The following KIF16B variants were observed in gnomAD, a reference collection of about 807,000 sequenced individuals.
KIF16B encodes kinesin-like protein KIF16B.
In KIF16B, 98 loss-of-function variants were observed where a neutral mutation model predicts 156.3. That is an observed-to-expected ratio of 0.63 (90% CI 0.53 to 0.74). KIF16B has a LOEUF of 0.74. KIF16B is among the 30% of genes least tolerant of loss of function. The pLI is 0.00. For synonymous variants in KIF16B, 564 were observed against 583.7 expected (o/e 0.97, Z 0.49); for missense variants, 1,421 against 1,606.5 (o/e 0.88, Z 1.97).
At chr20:16,305,046 G>A (rs1015047298) in intron 25 of KIF16B, among the ~76,000 whole-genome samples, 3 of 152,024 alleles carry the variant, frequency 2.0e-5, no homozygotes, top group African/African-American at 7.2e-5. Flanking sequence ...TTGAACTACC[G>A]AGACTTTATT....
chr20:16,568,596 T>G (rs1162155795), intron 1 of KIF16B, among the ~76,000 whole-genome samples: 1 of 151,970 alleles, frequency 6.6e-6, no homozygotes, highest in East Asian at 1.9e-4. Flanking sequence ...GGAGGATCAC[T>G]TGAGCCCAGG....
chr20:16,291,729 T>C (rs1356233058), intron 25 of KIF16B, among the ~76,000 whole-genome samples: 1 of 152,212 alleles, frequency 6.6e-6, no homozygotes, highest in African/African-American at 2.4e-5. Context: ...TCAGTATGTA[T>C]TGACTAAGCT....
rs752204724 is a variant in KIF16B at position 16,379,610 on chromosome 20, G to A, written c.2392C>T (p.Arg798Trp). The A allele has an allele frequency of 1.7e-5, 28 of 1,613,912 alleles. No homozygotes were observed. Among genetic ancestry groups the A allele is most frequent in the East Asian group, 1.1e-4 (5 of 44,858 alleles). Residue 798 changes from arginine to tryptophan, a missense_variant, in exon 19 of 26, where the codon CGG becomes TGG. By Grantham distance (101) the Arg-to-Trp change is moderately radical. Transcript: ENST00000354981. ...EEEKRDLEGI[R>W]ESLLRVKEAR... ...TCCTTCACCCGCAGGAGGGATTCCCGAATGCCTTCCAGGTCCCTCTTCTCC... is the reference window on the plus strand; with the variant it reads ...TCCTTCACCCGCAGGAGGGATTCCCAAATGCCTTCCAGGTCCCTCTTCTCC...
At chr20:16,454,788 T>A (rs1685421055) in intron 12 of KIF16B, among the ~76,000 whole-genome samples, 1 of 152,024 alleles carries the variant, frequency 6.6e-6, no homozygotes, top group African/African-American at 2.4e-5. Context: ...AATTATGAAA[T>A]CGAATAAATA....
intron 25 of KIF16B, among the ~76,000 whole-genome samples, chr20:16,274,632 T>C (rs760521524): frequency 9.8e-5 from 15 of 152,290 alleles, no homozygotes; most frequent in African/African-American, 1.4e-4. Context: ...AACAAAAAAT[T>C]TGTGAAAGCA....
chr20:16,332,006 C>G (rs2063956338), intron 24 of KIF16B, among the ~76,000 whole-genome samples: 1 of 152,076 alleles, frequency 6.6e-6, no homozygotes, highest in Non-Finnish European at 1.5e-5. Flanking sequence ...GGAAAAGAGA[C>G]AGCTGATATT....
intron 12 of KIF16B, among the ~76,000 whole-genome samples, chr20:16,441,975 C>T (rs531691214): frequency 1.3e-5 from 2 of 152,254 alleles, no homozygotes; most frequent in African/African-American, 4.8e-5. Context: ...AAAAAATCTA[C>T]AGATATACAG....
At chr20:16,386,206 G>C (rs2065225649) in intron 17 of KIF16B, among the ~76,000 whole-genome samples, 1 of 152,162 alleles carries the variant, frequency 6.6e-6, no homozygotes, top group African/African-American at 2.4e-5. Flanking sequence ...AAGTCAGAAA[G>C]ATTACAGACT....
At chr20:16,301,911 A>G (rs577289033) in intron 25 of KIF16B, among the ~76,000 whole-genome samples, 161 of 152,260 alleles carry the variant, frequency 1.1e-3, no homozygotes, top group African/African-American at 3.2e-3. Flanking sequence ...CGGCCTCTCA[A>G]AGTGTTGGGA....
At chr20:16,441,316 G>A (rs975787501) in intron 12 of KIF16B, among the ~76,000 whole-genome samples, 2 of 152,110 alleles carry the variant, frequency 1.3e-5, no homozygotes, top group Non-Finnish European at 2.9e-5. Flanking sequence ...TCCGGCCTGT[G>A]CTCTAGTAAT....
intron 3 of KIF16B, 49 bp downstream of exon 3, chr20:16,526,043 T>G: frequency 9.2e-7 from 1 of 1,082,970 alleles, no homozygotes; most frequent in Non-Finnish European, 1.4e-6. Flanking sequence ...GGCATGTTTT[T>G]CTCAATGTGA....
chr20:16,344,822 T>C (rs902072131), intron 23 of KIF16B, among the ~76,000 whole-genome samples: 1 of 152,246 alleles, frequency 6.6e-6, no homozygotes, highest in Non-Finnish European at 1.5e-5. Context: ...CTCGGTTTAC[T>C]GAGATGATTA....
At position 16,429,907 on chromosome 20, in the gene KIF16B, CG is replaced by C. The variant is rs766276825; in HGVS notation, c.1377del (p.Ile459MetfsTer6). 3 of 1,612,254 alleles carry C rather than the reference CG, an allele frequency of 1.9e-6. No individual in the cohort carries two copies. In the South Asian group the frequency reaches 3.3e-5, roughly 18 times the overall value. ...ATTCCAGTACTCAAAAGGTCATCAT[CG>C]ATGCCAATCAAATGAGGCAGTTCAG... is the stretch of plus-strand genomic sequence containing the variant. ...LDSELPHLIG[I>X]DDDLLSTGII... is the part of the protein sequence containing the mutation. On this transcript the variant is annotated frameshift_variant, in exon 13 of 26. Transcript: ENST00000354981. LOFTEE classifies it high-confidence loss of function.
intron 1 of KIF16B, among the ~76,000 whole-genome samples, chr20:16,555,867 C>G (rs562759040): frequency 6.6e-6 from 1 of 152,260 alleles, no homozygotes; most frequent in South Asian, 2.1e-4. Context: ...AGCACTTAGG[C>G]TCTAGAGAAG....
chr20:16,367,379 G>T (rs886119508), intron 22 of KIF16B: 8 of 1,612,802 alleles, frequency 5.0e-6, no homozygotes, highest in Admixed American at 3.3e-5. Context: ...TTCTTTTCTG[G>T]AACAACAACA....
chr20:16,475,678 G>T (rs1305183861), intron 12 of KIF16B, among the ~76,000 whole-genome samples: 1 of 152,176 alleles, frequency 6.6e-6, no homozygotes, highest in South Asian at 2.1e-4. Context: ...AACTTCCACA[G>T]TTGAAGATGA....
chr20:16,499,981 C>T (rs1600553317), intron 10 of KIF16B, among the ~76,000 whole-genome samples: 1 of 152,172 alleles, frequency 6.6e-6, no homozygotes, highest in Non-Finnish European at 1.5e-5. Context: ...CTCAAAAACA[C>T]TATTACAAAA....
chr20:16,405,552 A>AGAAATGAGG (rs1199240750), intron 16 of KIF16B, among the ~76,000 whole-genome samples: 2 of 152,180 alleles, frequency 1.3e-5, no homozygotes, highest in Non-Finnish European at 2.9e-5. Flanking sequence ...TAAAGGAGAC[A>AGAAATGAGG]GAAATGAGAG....
At chr20:16,458,049 TC>T (rs1184609391) in intron 12 of KIF16B, among the ~76,000 whole-genome samples, 22 of 152,270 alleles carry the variant, frequency 1.4e-4, no homozygotes, top group African/African-American at 4.1e-4. Flanking sequence ...AATCAAGAAA[TC>T]CATTAAAGAT....
Sources: gnomAD v4.1 joint callset for allele counts (sites outside exome capture counted in the v4.1 genomes callset) on GRCh38, gnomAD v4.1.1 for gene constraint, MANE v1.5 for transcripts, NCBI Gene and HGNC (gene_info 2026-07-23, HGNC 2026-07-21) for gene names.